Variants in CNTROB observed in about 807,000 individuals in gnomAD.
CNTROB encodes centrobin.
A neutral mutation model predicts 115.7 loss-of-function variants in CNTROB; 82 were observed. That is an observed-to-expected ratio of 0.71 (90% CI 0.59 to 0.85). The LOEUF (loss-of-function observed/expected upper bound fraction) is 0.85, where lower values mean the gene tolerates loss of function less well. Ranked by LOEUF, CNTROB falls within the 40% of genes least tolerant of loss-of-function variation. The pLI is 0.00. For missense variants in CNTROB, 1,014 were observed against 1,144.4 expected (o/e 0.89, Z 1.64); for synonymous variants, 439 against 456.4 (o/e 0.96, Z 0.49).
rs1974476247 is a variant in CNTROB, at chr17:7,945,845, G to A, written c.1852G>A (p.Glu618Lys). ...ALKPVLQQSR[E>K]ARDELPGAPP... ...GAAGCCTGTATTGCAGCAGAGCCGGGAAGCAAGGGACGAGCTACCTGGAGC... is the reference window on the plus strand; with the variant it reads ...GAAGCCTGTATTGCAGCAGAGCCGGAAAGCAAGGGACGAGCTACCTGGAGC... The change falls in exon 13 of 19, where the codon GAA (glutamate) becomes AAA (lysine). Residue 618 changes from glutamate to lysine, a missense_variant. Physicochemically the swap from Glu to Lys is moderately conservative, Grantham distance 56. Coordinates refer to ENST00000563694, the MANE Select transcript of CNTROB (RefSeq NM_053051.5). 1.9e-6 allele frequency: 3 copies of A among 1,614,096 alleles called. No homozygotes were observed. The highest frequency in any genetic ancestry group is 2.2e-5 in the East Asian group (1 of 44,890).
chr17:7,948,934 T>C lies in CNTROB; in HGVS notation c.2514-151T>C, dbSNP rs1431982347. 6.6e-7 allele frequency: 1 copy of C among 1,524,228 alleles called. No homozygotes were observed. The allele number at this position is 1,524,228 out of a possible 1,614,324, so 94.4% of individuals were successfully genotyped here. ...CTAGCTAGTGTAACTCGTTATTTACTTCCACTAATGTCTCCTCCCAGTTGA... is the reference window on the plus strand; with the variant it reads ...CTAGCTAGTGTAACTCGTTATTTACCTCCACTAATGTCTCCTCCCAGTTGA... On this transcript the variant is annotated intron_variant, in intron 17 of 18. Transcript: ENST00000563694. This position sits in a 1 kb window ranked among gnomAD's most constrained non-coding sequence, Gnocchi z 4.4.
At position 7,949,145 on chromosome 17, in the gene CNTROB, C is replaced by T. The variant is rs142142775; in HGVS notation, c.2574C>T (p.Ile858=). ...RRNTDSRLGE[I]PRKEIPSQAV... is the part of the protein sequence containing the mutation. ...ACACAGACTCCCGCTTGGGTGAGAT[C>T]CCCCGGAAAGAGGTGAGGGAAAGTC... The change falls in exon 18 of 19, where the codon ATC becomes ATT. Residue 858 remains isoleucine (I), a synonymous_variant. Transcript: ENST00000563694. 3.7e-6 allele frequency: 6 copies of T among 1,613,884 alleles called. No homozygotes were observed. The highest frequency in any genetic ancestry group is 1.6e-4 in the Middle Eastern group (1 of 6,062).
At chr17:7,945,597 C>T (rs1229050380) in intron 12 of CNTROB, 131 bp from the exon 13 acceptor site, 5 of 970,064 alleles carry the variant, frequency 5.2e-6, no homozygotes, top group Non-Finnish European at 7.6e-6. Flanking sequence ...ACGGTCCTCC[C>T]AAAGTGTTGG....
At position 7,939,515 on chromosome 17, in the gene CNTROB, G is replaced by C. The variant is rs771196866; in HGVS notation, c.930G>C (p.Glu310Asp). 1.7e-5 allele frequency: 27 copies of C among 1,613,782 alleles called. 1 individual carries two copies. Among genetic ancestry groups the C allele is most frequent in the South Asian group, 1.4e-4 (13 of 91,068 alleles). ...RLQQRERETL[E>D]EERQALTLRL... ...TTGGTTTTCTTCTGCGGCTGTAGGAGGAGGAAAGGCAAGCTCTGACTCTGA... is the reference window on the plus strand; with the variant it reads ...TTGGTTTTCTTCTGCGGCTGTAGGACGAGGAAAGGCAAGCTCTGACTCTGA... The change falls in exon 8 of 19, where the codon GAG becomes GAC. Residue 310 changes from glutamate to aspartate, a missense_variant and splice_region_variant. Coordinates refer to ENST00000563694, the MANE Select transcript of CNTROB (RefSeq NM_053051.5). This position sits in a 1 kb window ranked among gnomAD's most constrained non-coding sequence, Gnocchi z 4.4.
In CNTROB at chr17:7,943,772, A is replaced by G. The variant is rs924013582; in HGVS notation, c.1445+248A>G. ...TTAACCAAGAACTGATGGGTGCAGA[A>G]TGATAGATGGTCCAGCTCCCTCACT... On this transcript the variant is annotated intron_variant, in intron 10 of 18. Transcript: ENST00000563694. This position sits in a 1 kb window ranked among gnomAD's most constrained non-coding sequence, Gnocchi z 4.7. Among the ~76,000 whole-genome samples, 7 of 152,268 alleles carry G rather than the reference A, an allele frequency of 4.6e-5. No homozygotes were observed. The highest frequency in any genetic ancestry group is 1.7e-4 in the African/African-American group (7 of 41,552).
rs573698215 is a variant in CNTROB at position 7,941,700 on chromosome 17, C to G, written c.1311+1458C>G. On this transcript the variant is annotated intron_variant, in intron 9 of 18. Transcript: ENST00000563694. The stretch of plus-strand genomic sequence containing the variant: ...AGCATCCGGGTGTGGTGGCTCGCAC[C>G]TGGAATCCCAGCACTTTGGGAGGCC... Among the ~76,000 whole-genome samples, 67 of 152,038 alleles carry G rather than the reference C, an allele frequency of 4.4e-4. No homozygotes were observed. The Middle Eastern group carries it at 0.01, about 23-fold the overall frequency.
chr17:7,946,028 T>C (rs1351538655), intron 13 of CNTROB, 42 bp downstream of exon 13: 1 of 1,581,288 alleles, frequency 6.3e-7, no homozygotes. Flanking sequence ...CTTCTGTGCA[T>C]GAATTGGCTC....
rs1267310352 is a variant in CNTROB at position 7,934,333 on chromosome 17, A to T, written c.355+111A>T. 8 of 1,358,494 alleles carry T rather than the reference A, an allele frequency of 5.9e-6. No homozygotes were observed. The Admixed American group carries it at 1.4e-4, about 23-fold the overall frequency. The allele number at this position is 1,358,494 out of a possible 1,614,324, so 84.2% of individuals were successfully genotyped here. Reference sequence around the variant, plus strand: ...ACCTCTGAGCAAGAGATTTCAGGAGAAAAGTCTCCCGTTCTTTGGGAGAGG... The same window carrying T: ...ACCTCTGAGCAAGAGATTTCAGGAGTAAAGTCTCCCGTTCTTTGGGAGAGG... On this transcript the variant is annotated intron_variant, in intron 2 of 18. Coordinates refer to ENST00000563694, the MANE Select transcript of CNTROB (RefSeq NM_053051.5).
chr17:7,936,958 C>T lies in CNTROB; in HGVS notation c.828+141C>T, dbSNP rs560112219. On this transcript the variant is annotated intron_variant, in intron 6 of 18. Transcript: ENST00000563694. ...GCTGTCCTGACATTTCTTCTCATCC[C>T]TCCTTTCTTCTCCTTTAACCGTTTC... 37 of 745,882 alleles carry T rather than the reference C, an allele frequency of 5.0e-5. No homozygotes were observed. The South Asian group carries it at 5.6e-4, about 11-fold the overall frequency. 46.2% of individuals were successfully genotyped at this position (745,882 alleles called of 1,614,324 possible).
At position 7,939,594 on chromosome 17, in the gene CNTROB, G is replaced by A; in HGVS notation, c.1009G>A (p.Ala337Thr). The change falls in exon 8 of 19, where the codon GCT becomes ACT. Residue 337 changes from alanine to threonine, a missense_variant. Physicochemically the swap from Ala to Thr is moderately conservative, Grantham distance 58. Coordinates refer to ENST00000563694, the MANE Select transcript of CNTROB (RefSeq NM_053051.5). The surrounding 1 kb of genome is among the most constrained non-coding windows in gnomAD (Gnocchi z 4.4). ...CCVLQEERDA[A>T]RAGQLSEHRE... The stretch of plus-strand genomic sequence containing the variant: ...TGTCCTGCAGGAAGAGCGGGATGCA[G>A]CTCGGGCTGGGCAACTGAGTGAGCA... The A allele has an allele frequency of 6.2e-7, 1 of 1,614,170 alleles. No individual in the cohort carries two copies. Among genetic ancestry groups the A allele is most frequent in the South Asian group, 1.1e-5 (1 of 91,084 alleles).
intron 8 of CNTROB, 26 bp from the exon 9 acceptor site, chr17:7,940,070 A>G: frequency 6.4e-7 from 1 of 1,573,276 alleles, no homozygotes; most frequent in Middle Eastern, 1.7e-4. Flanking sequence ...TGAGGTATGT[A>G]TATACATTTG....
intron 12 of CNTROB, 54 bp from the exon 13 acceptor site, chr17:7,945,674 A>T: frequency 1.9e-6 from 3 of 1,557,658 alleles, no homozygotes; most frequent in Non-Finnish European, 2.6e-6. Context: ...ACCATGTCTT[A>T]TCTCTTTAAA....
chr17:7,946,622 C>T (rs865863412), intron 13 of CNTROB, among the ~76,000 whole-genome samples: 39 of 152,246 alleles, frequency 2.6e-4, no homozygotes, highest in Middle Eastern at 6.8e-3. Flanking sequence ...AATGCTAGCG[C>T]GTTGGGAGGC....
rs917869448 is a variant in CNTROB at position 7,937,074 on chromosome 17, T to C, written c.829-90T>C. On this transcript the variant is annotated intron_variant, in intron 6 of 18. Transcript: ENST00000563694. ...CTTAGTCATTTAGTTAACTGTGAAG[T>C]TTCAAGTTTACATTGTCAATGCTTT... is the stretch of plus-strand genomic sequence containing the variant. 3.9e-6 allele frequency: 6 copies of C among 1,528,136 alleles called. No individual in the cohort carries two copies. The African/African-American group carries it at 8.3e-5, about 21-fold the overall frequency. 94.7% of individuals were successfully genotyped at this position (1,528,136 alleles called of 1,614,324 possible). A position where few individuals can be genotyped will look rare whatever the true frequency, so the allele number is the denominator to read the frequency against.
intron 9 of CNTROB, among the ~76,000 whole-genome samples, chr17:7,941,084 A>G (rs1394849798): frequency 6.6e-6 from 1 of 152,230 alleles, no homozygotes; most frequent in Non-Finnish European, 1.5e-5. Context: ...GTTCCAGCCC[A>G]TGGGGGAGAC....
In CNTROB at chr17:7,944,398, T is replaced by C; in HGVS notation, c.1572-78T>C. 6.3e-7 allele frequency: 1 copy of C among 1,586,200 alleles called. No homozygotes were observed. Among genetic ancestry groups the C allele is most frequent in the South Asian group, 1.1e-5 (1 of 88,976 alleles). On this transcript the variant is annotated intron_variant, in intron 11 of 18. Coordinates refer to ENST00000563694, the MANE Select transcript of CNTROB (RefSeq NM_053051.5). This position sits in a 1 kb window ranked among gnomAD's most constrained non-coding sequence, Gnocchi z 4.0. ...TTTCAGAATATCAGATGTCCAACATTTCCCTTCTGGCTCTTTTTAGCTCCC... is the reference window on the plus strand; with the variant it reads ...TTTCAGAATATCAGATGTCCAACATCTCCCTTCTGGCTCTTTTTAGCTCCC...
chr17:7,933,805 A>G (rs528340453), intron 1 of CNTROB, among the ~76,000 whole-genome samples: 1 of 152,332 alleles, frequency 6.6e-6, no homozygotes, highest in African/African-American at 2.4e-5. Flanking sequence ...AGTTATTAGT[A>G]TTGTATAGAA....
At position 7,939,384 on chromosome 17, in the gene CNTROB, G is replaced by A. The variant is rs773737956; in HGVS notation, c.928-129G>A. On this transcript the variant is annotated intron_variant, in intron 7 of 18. Transcript: ENST00000563694. This position sits in a 1 kb window ranked among gnomAD's most constrained non-coding sequence, Gnocchi z 4.4. ...GCTGGGATTACAGGTGTGAGCCACC[G>A]CACCCGGCCTAATTATTGTGTTTTT... 29 of 802,518 alleles carry A rather than the reference G, an allele frequency of 3.6e-5. 1 individual carries two copies. The Middle Eastern group carries it at 1.5e-3, about 41-fold the overall frequency. 49.7% of individuals were successfully genotyped at this position (802,518 alleles called of 1,614,324 possible).
chr17:7,934,074 C>A, intron 1 of CNTROB, 64 bp from the exon 2 acceptor site: 1 of 1,387,778 alleles, frequency 7.2e-7, no homozygotes, highest in Non-Finnish European at 1.0e-6. Flanking sequence ...AAAATTCTAC[C>A]CTGGCAATAG....
Sources: allele counts gnomAD v4.1 joint callset (sites outside exome capture counted in the v4.1 genomes callset), GRCh38; gene constraint gnomAD v4.1.1; non-coding constraint Gnocchi (gnomAD v3.1); transcripts MANE v1.5; gene names NCBI Gene and HGNC (gene_info 2026-07-23, HGNC 2026-07-21).